Variants in EFL1 observed in about 807,000 individuals in gnomAD.
EFL1 encodes the protein elongation factor like GTPase 1, also known as elongation factor-like GTPase 1.
In EFL1, 76 loss-of-function variants were observed where a neutral mutation model predicts 126.7. The ratio of observed to expected loss-of-function variants is 0.60; its 90% CI spans 0.50 to 0.73. The LOEUF (loss-of-function observed/expected upper bound fraction) is 0.73, where lower values mean the gene tolerates loss of function less well. EFL1 is among the 30% of genes least tolerant of loss of function. EFL1 has a pLI of 0.00. For missense variants in EFL1, 1,128 were observed against 1,343.2 expected (o/e 0.84, Z 2.50); for synonymous variants, 410 against 448.4 (o/e 0.91, Z 1.08).
At chr15:82,177,974 C>A (rs932494174) in intron 15 of EFL1, among the ~76,000 whole-genome samples, 1 of 152,184 alleles carries the variant, frequency 6.6e-6, no homozygotes, top group Non-Finnish European at 1.5e-5. Context: ...ATGTGACTCT[C>A]TGAATAAAGA....
chr15:82,247,903 G>C (rs1297693062), intron 4 of EFL1, among the ~76,000 whole-genome samples: 1 of 152,074 alleles, frequency 6.6e-6, no homozygotes, highest in African/African-American at 2.4e-5. Flanking sequence ...CACAAGACGT[G>C]CATAACAATC....
intron 15 of EFL1, among the ~76,000 whole-genome samples, chr15:82,177,337 A>C (rs1379228186): frequency 1.3e-5 from 2 of 152,186 alleles, no homozygotes; most frequent in Non-Finnish European, 2.9e-5. Context: ...CCATTTCAGA[A>C]CCTTTAAAAA....
chr15:82,256,995 G>A (rs964861555), intron 3 of EFL1, among the ~76,000 whole-genome samples: 27 of 152,114 alleles, frequency 1.8e-4, no homozygotes, highest in African/African-American at 6.3e-4. Flanking sequence ...GAATACTGCC[G>A]ATTGTTGGGT....
chr15:82,161,285 G>C (rs539724808), intron 16 of EFL1, among the ~76,000 whole-genome samples: 5 of 152,274 alleles, frequency 3.3e-5, no homozygotes, highest in African/African-American at 1.2e-4. Context: ...AGTCTTTTAA[G>C]AGAGTGAAAT....
chr15:82,251,168 T>C (rs553694600), intron 4 of EFL1, among the ~76,000 whole-genome samples: 2 of 152,122 alleles, frequency 1.3e-5, no homozygotes, highest in South Asian at 4.1e-4. Flanking sequence ...GCTGAGATCA[T>C]GCCACTGCAC....
At position 82,238,433 on chromosome 15, in the gene EFL1, G is replaced by A; in HGVS notation, c.605C>T (p.Ser202Phe). 1 of 1,614,146 alleles carries A rather than the reference G, an allele frequency of 6.2e-7. No homozygotes were observed. The highest frequency in any genetic ancestry group is 8.5e-7 in the Non-Finnish European group (1 of 1,180,026). ...GTCATATACTTGCTCTCCTTGTTCA[G>A]AATTTGGATTCACTTGGGATTCAGT... ...RETESQVNPN[S>F]EQGEQVYDWS... The change falls in exon 7 of 20, where the codon TCT becomes TTT. Residue 202 changes from serine to phenylalanine, a missense_variant. Around this residue, in one of 6 missense-constraint regions of EFL1, gnomAD observed 316 missense variants for 318.5 expected, o/e 0.99. Coordinates refer to ENST00000268206, the MANE Select transcript of EFL1 (RefSeq NM_024580.6).
At chr15:82,196,454 A>T (rs1390695416) in intron 15 of EFL1, among the ~76,000 whole-genome samples, 1 of 152,228 alleles carries the variant, frequency 6.6e-6, no homozygotes. Flanking sequence ...AATCATAGTA[A>T]GTGAGAAGAA....
chr15:82,146,671 T>C (rs1417223037), intron 18 of EFL1, among the ~76,000 whole-genome samples: 1 of 150,092 alleles, frequency 6.7e-6, no homozygotes, highest in Non-Finnish European at 1.5e-5. Flanking sequence ...GCAGTGGATG[T>C]GGTAGTTGGT....
chr15:82,261,218 CTT>C (rs67461403), intron 2 of EFL1, among the ~76,000 whole-genome samples: 10,625 of 152,192 alleles, frequency 0.07, 383 homozygotes, highest in Non-Finnish European at 0.079. Flanking sequence ...ACTTTTTTCT[CTT>C]GTTTGTCTCA....
Position 82,238,362 on chromosome 15 carries a change from A to G in EFL1, c.676T>C (p.Ser226Pro). The change falls in exon 7 of 20, where the codon TCT (serine) becomes CCT (proline). Residue 226 changes from serine to proline, a missense_variant. Coordinates refer to ENST00000268206, the MANE Select transcript of EFL1 (RefSeq NM_024580.6). Reference sequence around the variant, plus strand: ...AACACCACATTTCCCTGTTCTGGAGAGAAGTAAAGGTGAGAATCATCTGTG... The same window carrying G: ...AACACCACATTTCCCTGTTCTGGAGGGAAGTAAAGGTGAGAATCATCTGTG... The part of the protein sequence containing the change: ...EDTDDSHLYF[S>P]PEQGNVVFTS... 1.9e-6 allele frequency: 3 copies of G among 1,614,202 alleles called. No homozygotes were observed. The highest frequency in any genetic ancestry group is 2.5e-6 in the Non-Finnish European group (3 of 1,180,036).
intron 15 of EFL1, among the ~76,000 whole-genome samples, chr15:82,180,202 T>C (rs1012194006): frequency 9.9e-5 from 15 of 151,936 alleles, no homozygotes; most frequent in African/African-American, 3.4e-4. Flanking sequence ...ACTCCCCAAC[T>C]CCTACTCACT....
chr15:82,205,557 CACAA>C (rs888425854), intron 15 of EFL1, among the ~76,000 whole-genome samples: 3 of 152,106 alleles, frequency 2.0e-5, no homozygotes, highest in African/African-American at 4.8e-5. Context: ...CACACACACA[CACAA>C]ACACACTCCT....
chr15:82,219,271 C>T (rs866232629), intron 14 of EFL1, among the ~76,000 whole-genome samples: 2 of 152,164 alleles, frequency 1.3e-5, no homozygotes, highest in African/African-American at 2.4e-5. Context: ...CTGCTCACTG[C>T]CCACACCTTT....
intron 17 of EFL1, among the ~76,000 whole-genome samples, chr15:82,155,335 C>T (rs1343656288): frequency 2.0e-5 from 3 of 151,922 alleles, no homozygotes; most frequent in African/African-American, 4.8e-5. Context: ...AACACCATCT[C>T]TACTAAAAAT....
chr15:82,157,548 T>C (rs1181886933), intron 17 of EFL1, 165 bp downstream of exon 17: 2 of 805,560 alleles, frequency 2.5e-6, no homozygotes, highest in Non-Finnish European at 3.6e-6. Flanking sequence ...TTTTCAGTTA[T>C]TAAAAAATAA....
intron 15 of EFL1, among the ~76,000 whole-genome samples, chr15:82,201,029 T>C (rs1264395473): frequency 6.6e-6 from 1 of 152,192 alleles, no homozygotes; most frequent in Non-Finnish European, 1.5e-5. Context: ...AGTGCCACCA[T>C]GCCTGTTTTT....
chr15:82,157,977 T>C, intron 16 of EFL1, 117 bp from the exon 17 acceptor site: 1 of 1,178,310 alleles, frequency 8.5e-7, no homozygotes, highest in Non-Finnish European at 1.2e-6. Context: ...AAACAACAAT[T>C]TATTTTTCTT....
At chr15:82,158,127 A>G (rs1479321581) in intron 16 of EFL1, among the ~76,000 whole-genome samples, 1 of 152,196 alleles carries the variant, frequency 6.6e-6, no homozygotes, top group Non-Finnish European at 1.5e-5. Context: ...TGCAGATACA[A>G]GCTACCATCT....
Position 82,151,808 on chromosome 15 carries a change from C to G in EFL1, c.2646G>C (p.Met882Ile). The G allele has an allele frequency of 6.2e-7, 1 of 1,614,190 alleles. No individual in the cohort carries two copies. Among genetic ancestry groups the G allele is most frequent in the Non-Finnish European group, 8.5e-7 (1 of 1,180,038 alleles). The change falls in exon 18 of 20, where the codon ATG (methionine) becomes ATC (isoleucine). Residue 882 changes from methionine to isoleucine, a missense_variant. Coordinates refer to ENST00000268206, the MANE Select transcript of EFL1 (RefSeq NM_024580.6). Reference protein sequence around the residue: ...GFQLATLSGPMCEEPLMGVCF... With the variant: ...GFQLATLSGPICEEPLMGVCF... ...AGACACCCATGAGAGGCTCCTCACACATGGGGCCAGAGAGGGTTGCTAGTT... is the reference window on the plus strand; with the variant it reads ...AGACACCCATGAGAGGCTCCTCACAGATGGGGCCAGAGAGGGTTGCTAGTT...
Sources: allele counts gnomAD v4.1 joint callset (sites outside exome capture counted in the v4.1 genomes callset), GRCh38; gene constraint gnomAD v4.1.1; regional missense constraint gnomAD v4.1.1; transcripts MANE v1.5; gene names NCBI Gene and HGNC (gene_info 2026-07-23, HGNC 2026-07-21).